MAF: variants seen among roughly 807,000 people sequenced by gnomAD.
MAF encodes transcription factor Maf.
A neutral mutation model predicts 22.0 loss-of-function variants in MAF; 10 were observed. The observed-to-expected ratio is 0.45, with a 90% CI of 0.28 to 0.77. The LOEUF (loss-of-function observed/expected upper bound fraction) is 0.77. Ranked by LOEUF, MAF falls within the 30% of genes least tolerant of loss-of-function variation. The probability of loss-of-function intolerance (pLI) is 0.12; values close to 1 mark genes in which losing one functional copy is unlikely to be tolerated. For missense variants in MAF, 544 were observed against 548.4 expected (o/e 0.99, Z 0.08); for synonymous variants, 337 against 255.8 (o/e 1.32, Z -3.03).
At chr16:79,433,930 A>G in the MAF span, among the ~76,000 whole-genome samples, 1 of 152,182 alleles carries the variant, frequency 6.6e-6, no homozygotes, top group Non-Finnish European at 1.5e-5. Context: ...TAGATGGGAC[A>G]TAGGCCACAG....
the MAF span, among the ~76,000 whole-genome samples, chr16:79,513,207 C>G: frequency 3.9e-5 from 6 of 152,258 alleles, no homozygotes; most frequent in African/African-American, 7.2e-5. Flanking sequence ...CAGGCATCAA[C>G]AGCCAGATAC....
chr16:79,369,319 C>A, the MAF span, among the ~76,000 whole-genome samples: 1 of 152,340 alleles, frequency 6.6e-6, no homozygotes, highest in East Asian at 1.9e-4. Flanking sequence ...CCGCAAGGAA[C>A]TCACATTCTA....
At chr16:79,358,675 T>C in the MAF span, among the ~76,000 whole-genome samples, 2 of 152,214 alleles carry the variant, frequency 1.3e-5, no homozygotes, top group African/African-American at 2.4e-5. Context: ...ATACCTGACA[T>C]GCAGGAAGGC....
chr16:79,579,180 A>C, the MAF span, among the ~76,000 whole-genome samples: 1 of 152,242 alleles, frequency 6.6e-6, no homozygotes, highest in African/African-American at 2.4e-5. Context: ...TCTTTGATGC[A>C]AAAATAATAC....
the MAF span, among the ~76,000 whole-genome samples, chr16:79,462,815 A>G: frequency 6.6e-6 from 1 of 152,252 alleles, no homozygotes; most frequent in Admixed American, 6.5e-5. Context: ...TAGGGATGTC[A>G]AAGTAAACAG....
chr16:79,454,897 G>T, the MAF span, among the ~76,000 whole-genome samples: 2 of 152,016 alleles, frequency 1.3e-5, no homozygotes, highest in African/African-American at 2.4e-5. Context: ...GGGAGTTCGA[G>T]ACCAGCCTGA....
the MAF span, among the ~76,000 whole-genome samples, chr16:79,516,823 G>C: frequency 7.8e-6 from 1 of 127,714 alleles, no homozygotes; most frequent in East Asian, 2.5e-4. Context: ...AGGAAAGACA[G>C]AGCTAACGTC....
chr16:79,396,632 CA>C, the MAF span, among the ~76,000 whole-genome samples: 3 of 152,134 alleles, frequency 2.0e-5, no homozygotes, highest in African/African-American at 7.2e-5. Context: ...TAAAATGGGT[CA>C]ATAATAGTAC....
the MAF span, among the ~76,000 whole-genome samples, chr16:79,285,500 G>C: frequency 1.3e-5 from 2 of 152,160 alleles, no homozygotes; most frequent in Non-Finnish European, 1.5e-5. Flanking sequence ...AGTCCCCTAG[G>C]TGTGGGGAGC....
At position 79,599,288 on chromosome 16, in the gene MAF, G is replaced by C. The variant is rs1913826764; in HGVS notation, c.615C>G (p.Ser205Arg). The C allele has an allele frequency of 3.1e-6, 3 of 979,510 alleles. No individual in the cohort carries two copies. The highest frequency in any genetic ancestry group is 3.6e-6 in the Non-Finnish European group (3 of 827,840). The allele number at this position is 979,510 out of a possible 1,614,324, so 60.7% of individuals were successfully genotyped here. A position where few individuals can be genotyped will look rare whatever the true frequency, so the allele number is the denominator to read the frequency against. ...PTAGAPGAAG[S>R]AAASAGGAGG... The stretch of plus-strand genomic sequence containing the variant: ...CAGCGCCACCGGCCGAGGCGGCCGC[G>C]CTGCCCGCGGCGCCGGGCGCGCCGG... The change falls in exon 1 of 2, where the codon AGC becomes AGG. Residue 205 changes from serine (S) to arginine (R), a missense_variant. By Grantham distance (110) the Ser-to-Arg change is moderately radical (BLOSUM62 -1). This residue lies in a region of MAF where 342 missense variants were observed against 315.5 expected (regional missense o/e 1.08). Transcript: ENST00000326043.
chr16:79,578,678 G>A, the MAF span, among the ~76,000 whole-genome samples: 1,926 of 152,182 alleles, frequency 0.013, 41 homozygotes, highest in African/African-American at 0.042. Flanking sequence ...AAAGCCATCC[G>A]TCCAAGTTGA....
At chr16:79,518,844 G>C in the MAF span, among the ~76,000 whole-genome samples, 2 of 152,262 alleles carry the variant, frequency 1.3e-5, no homozygotes, top group South Asian at 4.2e-4. Flanking sequence ...AGAATTGCTT[G>C]AACCCAGGAG....
At chr16:79,529,736 G>A in the MAF span, among the ~76,000 whole-genome samples, 1 of 152,180 alleles carries the variant, frequency 6.6e-6, no homozygotes, top group Non-Finnish European at 1.5e-5. Context: ...CGAGGCGAGT[G>A]GATTACTTCA....
At chr16:79,312,592 C>T in the MAF span, among the ~76,000 whole-genome samples, 3 of 152,234 alleles carry the variant, frequency 2.0e-5, no homozygotes, top group Admixed American at 2.0e-4. Flanking sequence ...TTCCTTCTAG[C>T]TCTTACAGTG....
chr16:79,589,167 A>T (rs544267844), downstream of MAF, among the ~76,000 whole-genome samples: 97 of 152,300 alleles, frequency 6.4e-4, no homozygotes, highest in Admixed American at 1.3e-3. Flanking sequence ...TCCCTCTAAG[A>T]AAAAGGCCCC....
At chr16:79,211,183 T>C in the MAF span, among the ~76,000 whole-genome samples, 2 of 152,086 alleles carry the variant, frequency 1.3e-5, no homozygotes, top group Non-Finnish European at 2.9e-5. Context: ...TTAAGAGTGG[T>C]TGGTTTGTCA....
At chr16:79,492,364 A>G in the MAF span, among the ~76,000 whole-genome samples, 1 of 152,098 alleles carries the variant, frequency 6.6e-6, no homozygotes, top group East Asian at 1.9e-4. Context: ...ATGCAAAACA[A>G]TCCATGATGT....
chr16:79,528,016 A>T, the MAF span, among the ~76,000 whole-genome samples: 1 of 152,136 alleles, frequency 6.6e-6, no homozygotes, highest in Non-Finnish European at 1.5e-5. Context: ...GTTGGTGCGC[A>T]CCTGTAATCC....
At chr16:79,310,639 C>G in the MAF span, among the ~76,000 whole-genome samples, 3 of 152,194 alleles carry the variant, frequency 2.0e-5, no homozygotes, top group Non-Finnish European at 1.5e-5. Flanking sequence ...GAGCTTCATC[C>G]CTGGTCACGA....
Sources: allele counts gnomAD v4.1 joint callset (sites outside exome capture counted in the v4.1 genomes callset), GRCh38; gene constraint gnomAD v4.1.1; regional missense constraint gnomAD v4.1.1; transcripts MANE v1.5; gene names NCBI Gene and HGNC (gene_info 2026-07-23, HGNC 2026-07-21).